The following TRABD2B variants were observed in gnomAD, a reference collection of about 807,000 sequenced individuals.
TRABD2B encodes the protein metalloprotease TIKI2.
A neutral mutation model predicts 40.1 loss-of-function variants in TRABD2B; 14 were observed. The observed-to-expected ratio is 0.35, with a 90% CI of 0.23 to 0.55. TRABD2B has a LOEUF of 0.55. TRABD2B is among the 20% of genes least tolerant of loss of function. TRABD2B has a pLI of 0.90. For synonymous variants in TRABD2B, 263 were observed against 277.0 expected, an observed-to-expected ratio of 0.95 and a Z score of 0.50; for missense variants, 541 against 648.6, an observed-to-expected ratio of 0.83 and a Z score of 1.80.
At chr1:47,847,758 T>A (rs1444803627) in intron 2 of TRABD2B, among the ~76,000 whole-genome samples, 1 of 152,168 alleles carries the variant, frequency 6.6e-6, no homozygotes, top group Non-Finnish European at 1.5e-5. Flanking sequence ...ACCAAAATCA[T>A]ACGAAAGAAA....
At chr1:47,871,236 C>G (rs1023253175) in intron 2 of TRABD2B, among the ~76,000 whole-genome samples, 4 of 152,042 alleles carry the variant, frequency 2.6e-5, no homozygotes, top group African/African-American at 9.7e-5. Flanking sequence ...GAGAGGTGGG[C>G]AGGAGCAGGA....
intron 2 of TRABD2B, among the ~76,000 whole-genome samples, chr1:47,989,847 C>T (rs988550121): frequency 3.9e-5 from 6 of 152,100 alleles, no homozygotes; most frequent in African/African-American, 1.4e-4. Flanking sequence ...ACTGGGAAAG[C>T]AGGGGTTGTG....
At chr1:47,779,203 C>T (rs964363119) in intron 4 of TRABD2B, among the ~76,000 whole-genome samples, 1 of 152,050 alleles carries the variant, frequency 6.6e-6, no homozygotes, top group East Asian at 1.9e-4. Context: ...GGAGAACGCA[C>T]TATGGGCCAG....
At chr1:47,831,497 AG>A (rs1180509375) in intron 2 of TRABD2B, among the ~76,000 whole-genome samples, 3 of 152,144 alleles carry the variant, frequency 2.0e-5, no homozygotes, top group Admixed American at 1.3e-4. Flanking sequence ...GTCAGCTCCC[AG>A]GGAGCTTGCA....
intron 6 of TRABD2B, among the ~76,000 whole-genome samples, chr1:47,771,952 A>G (rs1340633784): frequency 1.3e-5 from 2 of 152,114 alleles, no homozygotes; most frequent in African/African-American, 4.8e-5. Flanking sequence ...ACTCGCTCCC[A>G]GCCCAACCCG....
At chr1:47,898,275 G>A (rs1042238433) in intron 2 of TRABD2B, among the ~76,000 whole-genome samples, 2 of 152,260 alleles carry the variant, frequency 1.3e-5, no homozygotes, top group Admixed American at 6.5e-5. Context: ...AGAGGCCTCC[G>A]CCCCAATCTT....
chr1:47,836,138 A>G lies in TRABD2B; in HGVS notation c.667-34519T>C, dbSNP rs138130807. ...CTCGGGGCAACTACTAGGAAAACTA[A>G]CTCAAAATGCAAGTAGTCATAGACC... On this transcript the variant is annotated intron_variant, in intron 2 of 6. Coordinates refer to ENST00000606738, the MANE Select transcript of TRABD2B (RefSeq NM_001194986.2). Among the ~76,000 whole-genome samples, 12 of 152,342 alleles carry G rather than the reference A, an allele frequency of 7.9e-5. No individual in the cohort carries two copies. In the East Asian group the frequency reaches 2.3e-3, roughly 29 times the overall value.
intron 4 of TRABD2B, among the ~76,000 whole-genome samples, chr1:47,780,222 C>T (rs1436419569): frequency 6.6e-6 from 1 of 152,146 alleles, no homozygotes; most frequent in African/African-American, 2.4e-5. Flanking sequence ...TCAGAGGGCT[C>T]TAGTCTGGCA....
Position 47,763,018 on chromosome 1 carries a change from A to G in TRABD2B, c.*2884T>C, listed in dbSNP as rs762653358. ...AAACAGAAAAGTCTAAGAAGTGCAC[A>G]CAAATTTCTCAGAGCAACAGGAGCA... On this transcript the variant is annotated 3_prime_UTR_variant, in exon 7 of 7. Transcript: ENST00000606738. 2.0e-5 allele frequency: 3 copies of G among 152,274 alleles called. No individual in the cohort carries two copies. Among genetic ancestry groups the G allele is most frequent in the Non-Finnish European group, 4.4e-5 (3 of 68,062 alleles). 9.4% of individuals were successfully genotyped at this position (152,274 alleles called of 1,614,324 possible).
At chr1:47,823,042 T>C (rs1420222404) in intron 2 of TRABD2B, among the ~76,000 whole-genome samples, 2 of 152,258 alleles carry the variant, frequency 1.3e-5, no homozygotes, top group Non-Finnish European at 1.5e-5. Context: ...GGGGACATGA[T>C]GCTGGTGAGG....
At chr1:47,883,098 C>A (rs1207924060) in intron 2 of TRABD2B, among the ~76,000 whole-genome samples, 1 of 152,172 alleles carries the variant, frequency 6.6e-6, no homozygotes, top group Non-Finnish European at 1.5e-5. Flanking sequence ...CTGTCAAGTG[C>A]CTGATTTGTC....
intron 2 of TRABD2B, among the ~76,000 whole-genome samples, chr1:47,920,622 G>A (rs1168033272): frequency 6.6e-6 from 1 of 152,224 alleles, no homozygotes; most frequent in African/African-American, 2.4e-5. Context: ...CAGCCAAGAT[G>A]TGCAGTCAAA....
At position 47,917,687 on chromosome 1, in the gene TRABD2B, T is replaced by G. The variant is rs1360917208; in HGVS notation, c.666+76347A>C. On this transcript the variant is annotated intron_variant, in intron 2 of 6. Coordinates refer to ENST00000606738, the MANE Select transcript of TRABD2B (RefSeq NM_001194986.2). ...AGTTTGAGGCTGTAGTGAGCTATGA[T>G]TGCACCACTGCACTTCAGCATAGGT... 2.0e-5 allele frequency among the ~76,000 whole-genome samples: 3 copies of G among 152,064 alleles called. No homozygotes were observed. In the East Asian group the frequency reaches 5.8e-4, roughly 29 times the overall value.
intron 2 of TRABD2B, among the ~76,000 whole-genome samples, chr1:47,991,135 G>GAAC (rs1384961226): frequency 6.6e-6 from 1 of 152,004 alleles, no homozygotes; most frequent in Non-Finnish European, 1.5e-5. Context: ...GAAGCTGGGA[G>GAAC]AACACATCCT....
chr1:47,979,084 A>G (rs887662397), intron 2 of TRABD2B, among the ~76,000 whole-genome samples: 16 of 152,256 alleles, frequency 1.1e-4, no homozygotes, highest in African/African-American at 3.6e-4. Flanking sequence ...CTCAGTGGTC[A>G]CGGCCTCCCA....
chr1:47,855,549 C>T (rs946836), intron 2 of TRABD2B, among the ~76,000 whole-genome samples: 54,307 of 152,166 alleles, frequency 0.36, 9,837 homozygotes, highest in East Asian at 0.49. Context: ...CATGTTGACA[C>T]GCATAGGTCA....
intron 2 of TRABD2B, among the ~76,000 whole-genome samples, chr1:47,976,605 C>T (rs368230429): frequency 3.3e-5 from 5 of 152,054 alleles, no homozygotes; most frequent in African/African-American, 9.7e-5. Flanking sequence ...ATGACAGGTG[C>T]TATGGTAGAA....
At chr1:47,945,123 G>A (rs1645243334) in intron 2 of TRABD2B, among the ~76,000 whole-genome samples, 1 of 152,182 alleles carries the variant, frequency 6.6e-6, no homozygotes, top group Non-Finnish European at 1.5e-5. Flanking sequence ...CAGGCAATGG[G>A]GAGCTCTGAA....
intron 2 of TRABD2B, among the ~76,000 whole-genome samples, chr1:47,824,330 C>G (rs958963353): frequency 5.9e-5 from 9 of 152,178 alleles, no homozygotes; most frequent in African/African-American, 2.2e-4. Flanking sequence ...AATCTTTCAG[C>G]AACGTGAGTT....
Sources: gnomAD v4.1 joint callset for allele counts (sites outside exome capture counted in the v4.1 genomes callset) on GRCh38, gnomAD v4.1.1 for gene constraint, MANE v1.5 for transcripts, NCBI Gene and HGNC (gene_info 2026-07-23, HGNC 2026-07-21) for gene names.